The following PTPRZ1 variants were observed in gnomAD, a reference collection of about 807,000 sequenced individuals.
The protein encoded by PTPRZ1 is protein tyrosine phosphatase receptor type Z1.
PTPRZ1 carries 82 observed loss-of-function variants against 214.1 expected under a neutral mutation model. That is an observed-to-expected ratio of 0.38 (90% confidence interval 0.32 to 0.46). PTPRZ1 has a LOEUF of 0.46. Among genes scored for constraint, PTPRZ1 ranks in the 20% least tolerant of loss-of-function variants. PTPRZ1 has a pLI of 1.00. For synonymous variants in PTPRZ1, 945 were observed against 987.9 expected, an observed-to-expected ratio of 0.96 and a Z score of 0.81; for missense variants, 2,603 against 2,748.7, an observed-to-expected ratio of 0.95 and a Z score of 1.19.
rs373559022 is a variant in PTPRZ1 at position 121,981,069 on chromosome 7, G to C, written c.620-2596G>C. On this transcript the variant is annotated intron_variant, in intron 6 of 29. Transcript: ENST00000393386. ...AGGCAGGAGAATGGCGTGAACCCTGGGGGGCGGAGCCTGCAGTGAGCCGAG... is the reference window on the plus strand; with the variant it reads ...AGGCAGGAGAATGGCGTGAACCCTGCGGGGCGGAGCCTGCAGTGAGCCGAG... 1.7e-3 allele frequency among the ~76,000 whole-genome samples: 263 copies of C among 152,200 alleles called. 6 individuals carry two copies. In the East Asian group the frequency reaches 0.032, roughly 19 times the overall value.
At chr7:121,877,118 T>C (rs1304736346) in intron 1 of PTPRZ1, among the ~76,000 whole-genome samples, 1 of 152,200 alleles carries the variant, frequency 6.6e-6, no homozygotes, top group Non-Finnish European at 1.5e-5. Flanking sequence ...TAGGTGCAGT[T>C]TCAGCACTGA....
chr7:121,905,175 C>T (rs2116281680), intron 1 of PTPRZ1, among the ~76,000 whole-genome samples: 1 of 152,186 alleles, frequency 6.6e-6, no homozygotes, highest in South Asian at 2.1e-4. Context: ...TTTCTCTTGC[C>T]TTGGAATCAC....
At chr7:121,919,285 A>G (rs943808355) in intron 1 of PTPRZ1, among the ~76,000 whole-genome samples, 9 of 152,120 alleles carry the variant, frequency 5.9e-5, no homozygotes, top group Non-Finnish European at 1.0e-4. Context: ...TGACACCAGT[A>G]AAGTCTCACA....
intron 1 of PTPRZ1, among the ~76,000 whole-genome samples, chr7:121,890,776 C>A (rs1794571579): frequency 6.6e-6 from 1 of 152,026 alleles, no homozygotes; most frequent in Non-Finnish European, 1.5e-5. Flanking sequence ...CTGAAGCAAT[C>A]CTCCTACCTC....
chr7:122,058,242 C>G (rs1052258857), intron 27 of PTPRZ1, among the ~76,000 whole-genome samples: 2 of 151,842 alleles, frequency 1.3e-5, no homozygotes, highest in African/African-American at 2.4e-5. Context: ...AAAAAGTACA[C>G]TTTTGGAAGC....
At chr7:122,053,041 T>C (rs992593930) in intron 25 of PTPRZ1, among the ~76,000 whole-genome samples, 11 of 152,086 alleles carry the variant, frequency 7.2e-5, no homozygotes, top group Admixed American at 1.3e-4. Context: ...TCACCTAAAG[T>C]CTTCAATGAA....
rs1389158967 is a variant in PTPRZ1 at position 122,059,045 on chromosome 7, G to A, written c.6671+103G>A. On this transcript the variant is annotated intron_variant, in intron 28 of 29. Coordinates refer to ENST00000393386, the MANE Select transcript of PTPRZ1 (RefSeq NM_002851.3). ...CCTAATGCTTTGGACCCACTGTGAT[G>A]ATTCAGCCATGGTGGATTATCTGCA... The A allele has an allele frequency of 4.5e-5, 52 of 1,147,562 alleles. No homozygotes were observed. In the Middle Eastern group the frequency reaches 6.2e-4, roughly 14 times the overall value. The allele number at this position is 1,147,562 out of a possible 1,614,324, so 71.1% of individuals were successfully genotyped here.
intron 11 of PTPRZ1, among the ~76,000 whole-genome samples, chr7:122,006,886 A>T (rs144184790): frequency 1.7e-4 from 26 of 152,240 alleles, no homozygotes; most frequent in Admixed American, 2.0e-4. Context: ...TATGAATTAT[A>T]TCAGGGACTC....
chr7:121,971,970 G>C (rs1467475130), intron 3 of PTPRZ1, among the ~76,000 whole-genome samples: 1 of 152,058 alleles, frequency 6.6e-6, no homozygotes, highest in African/African-American at 2.4e-5. Flanking sequence ...TGCCACTCAG[G>C]GTTCAAACAT....
intron 1 of PTPRZ1, among the ~76,000 whole-genome samples, chr7:121,917,458 T>A (rs1333379684): frequency 6.6e-6 from 1 of 152,092 alleles, no homozygotes; most frequent in Non-Finnish European, 1.5e-5. Flanking sequence ...AAGTGAATAA[T>A]TTATGACCAA....
At chr7:121,965,097 G>A (rs1797005637) in intron 2 of PTPRZ1, among the ~76,000 whole-genome samples, 1 of 152,154 alleles carries the variant, frequency 6.6e-6, no homozygotes, top group Non-Finnish European at 1.5e-5. Context: ...AGTTGAATTG[G>A]TTTTCTTTTG....
chr7:121,915,860 A>G (rs1795409273), intron 1 of PTPRZ1, among the ~76,000 whole-genome samples: 1 of 152,238 alleles, frequency 6.6e-6, no homozygotes, highest in Non-Finnish European at 1.5e-5. Flanking sequence ...TGTAAATTCC[A>G]AGGTGTAAAT....
intron 8 of PTPRZ1, among the ~76,000 whole-genome samples, chr7:121,984,686 A>T (rs150152526): frequency 1.1e-4 from 17 of 152,286 alleles, no homozygotes; most frequent in African/African-American, 4.1e-4. Flanking sequence ...TAAGAAGTGA[A>T]TCTTCTTCCC....
rs1042764497 is a variant in PTPRZ1, at chr7:122,012,474, T to A, written c.3428T>A (p.Val1143Glu). 6 of 1,613,844 alleles carry A rather than the reference T, an allele frequency of 3.7e-6. No homozygotes were observed. In the African/African-American group the frequency reaches 5.3e-5, roughly 14 times the overall value. ...TCTGGTGACACTTCGCTTAAACCTGTGCTTAGTGCAAACTCAGAGCCAGCA... is the reference window on the plus strand; with the variant it reads ...TCTGGTGACACTTCGCTTAAACCTGAGCTTAGTGCAAACTCAGAGCCAGCA... ...QASGDTSLKP[V>E]LSANSEPASS... The change falls in exon 12 of 30, where the codon GTG (valine) becomes GAG (glutamate). Residue 1143 changes from valine (V) to glutamate (E), a missense_variant. Physicochemically the swap from Val to Glu is moderately radical, Grantham distance 121. Around this residue, in one of 6 missense-constraint regions of PTPRZ1, gnomAD observed 1,913 missense variants for 1,914.3 expected, o/e 1.00. Coordinates refer to ENST00000393386, the MANE Select transcript of PTPRZ1 (RefSeq NM_002851.3).
chr7:121,908,464 T>G, intron 1 of PTPRZ1: 1 of 395,248 alleles, frequency 2.5e-6, no homozygotes, highest in Non-Finnish European at 4.9e-6. Context: ...ATATTCCTTT[T>G]TGTTTGTGTT....
chr7:121,923,342 C>T (rs1305704551), intron 1 of PTPRZ1, among the ~76,000 whole-genome samples: 1 of 152,158 alleles, frequency 6.6e-6, no homozygotes, highest in Non-Finnish European at 1.5e-5. Flanking sequence ...GTGAAATATG[C>T]AAGAAGTATC....
At chr7:121,878,163 T>C (rs1201941652) in intron 1 of PTPRZ1, among the ~76,000 whole-genome samples, 1 of 152,124 alleles carries the variant, frequency 6.6e-6, no homozygotes, top group Non-Finnish European at 1.5e-5. Flanking sequence ...TTTAGAAATG[T>C]CCTGTTTAAT....
In PTPRZ1 at chr7:121,983,762, C is replaced by T. The variant is rs1163697343; in HGVS notation, c.717C>T (p.Pro239=). 1.2e-6 allele frequency: 2 copies of T among 1,613,738 alleles called. No individual in the cohort carries two copies. Among genetic ancestry groups the T allele is most frequent in the Non-Finnish European group, 8.5e-7 (1 of 1,179,922 alleles). The part of the protein sequence containing the change: ...YIYNGSLTSP[P]CTDTVDWIVF... ...ACAATGGCTCATTGACATCTCCTCC[C>T]TGCACAGACACAGTTGACTGGATTG... The change falls in exon 7 of 30, where the codon CCC becomes CCT. Residue 239 remains proline (P), a synonymous_variant. Transcript: ENST00000393386.
At chr7:121,968,728 T>A (rs1278118662) in intron 3 of PTPRZ1, among the ~76,000 whole-genome samples, 1 of 151,840 alleles carries the variant, frequency 6.6e-6, no homozygotes, top group Non-Finnish European at 1.5e-5. Context: ...TTCCAAAAAG[T>A]GACACCTTTT....
Sources: gnomAD v4.1 joint callset for allele counts (sites outside exome capture counted in the v4.1 genomes callset) on GRCh38, gnomAD v4.1.1 for gene constraint, gnomAD v4.1.1 regional missense constraint, MANE v1.5 for transcripts, NCBI Gene and HGNC (gene_info 2026-07-23, HGNC 2026-07-21) for gene names.